The following ZNF423 variants were observed in gnomAD, a reference collection of about 807,000 sequenced individuals.
The protein encoded by ZNF423 is Ebf-associated zinc finger protein.
ZNF423 carries 12 observed loss-of-function variants against 95.8 expected under a neutral mutation model. The observed-to-expected ratio is 0.13, with a 90% CI of 0.08 to 0.20. The LOEUF (loss-of-function observed/expected upper bound fraction) is 0.20. Among genes scored for constraint, ZNF423 ranks in the 10% least tolerant of loss-of-function variants. The probability of loss-of-function intolerance (pLI) is 1.00; values close to 1 mark genes in which losing one functional copy is unlikely to be tolerated. For missense variants in ZNF423, 1,316 were observed against 1,737.1 expected (o/e 0.76, Z 4.31); for synonymous variants, 749 against 711.9 (o/e 1.05, Z -0.83).
At chr16:49,708,366 G>A (rs1268882030) in intron 3 of ZNF423, 1 of 151,932 alleles carries the variant, frequency 6.6e-6, no homozygotes, top group African/African-American at 2.4e-5. Context: ...CAAGATCTCA[G>A]CCCACTGCAA....
chr16:49,652,511 C>T (rs1248176556), intron 3 of ZNF423, among the ~76,000 whole-genome samples: 3 of 152,158 alleles, frequency 2.0e-5, no homozygotes, highest in Admixed American at 6.5e-5. Flanking sequence ...TCAGGAGCTC[C>T]GGAAGGTTCT....
chr16:49,740,457 A>C (rs2033391739), intron 2 of ZNF423, among the ~76,000 whole-genome samples: 2 of 152,186 alleles, frequency 1.3e-5, no homozygotes, highest in South Asian at 4.1e-4. Flanking sequence ...CAAATTCCAA[A>C]AGGCAGCCAT....
chr16:49,509,927 GA>G (rs1434960270), intron 7 of ZNF423, among the ~76,000 whole-genome samples: 2 of 152,162 alleles, frequency 1.3e-5, no homozygotes, highest in Non-Finnish European at 2.9e-5. Context: ...CTCAGAATGG[GA>G]AAAAAATCAA....
At chr16:49,761,127 G>A (rs1458449151) in intron 2 of ZNF423, among the ~76,000 whole-genome samples, 1 of 152,130 alleles carries the variant, frequency 6.6e-6, no homozygotes, top group Non-Finnish European at 1.5e-5. Context: ...ACCTGAGAGA[G>A]GTTCAGCCCA....
intron 5 of ZNF423, among the ~76,000 whole-genome samples, chr16:49,584,920 G>A (rs989948144): frequency 1.3e-5 from 2 of 152,104 alleles, no homozygotes; most frequent in South Asian, 2.1e-4. Context: ...CTGTTATTCC[G>A]GAAGGAAGGA....
chr16:49,809,115 C>T (rs964160925), intron 1 of ZNF423, among the ~76,000 whole-genome samples: 4 of 152,260 alleles, frequency 2.6e-5, no homozygotes, highest in Admixed American at 6.5e-5. Context: ...GTTCATTTTC[C>T]GCGTGTCCTG....
chr16:49,514,414 C>A (rs1178472355), intron 7 of ZNF423, among the ~76,000 whole-genome samples: 1 of 151,952 alleles, frequency 6.6e-6, no homozygotes, highest in Non-Finnish European at 1.5e-5. Context: ...CCAGTTCTGT[C>A]TCAGGCTCCT....
At chr16:49,687,381 T>C (rs1477019) in intron 3 of ZNF423, among the ~76,000 whole-genome samples, 152,116 of 152,302 alleles carry the variant, frequency 1, 75,965 homozygotes, top group Middle Eastern at 1. Flanking sequence ...CACCTACCCC[T>C]GGGCTAGCAC....
intron 3 of ZNF423, among the ~76,000 whole-genome samples, chr16:49,714,038 C>A (rs929696000): frequency 7.2e-5 from 11 of 152,330 alleles, no homozygotes; most frequent in Non-Finnish European, 1.6e-4. Context: ...AGTGAACCCA[C>A]CAGGCACAGT....
At chr16:49,838,266 G>C (rs1469304620) in intron 1 of ZNF423, among the ~76,000 whole-genome samples, 2 of 152,236 alleles carry the variant, frequency 1.3e-5, no homozygotes, top group Non-Finnish European at 2.9e-5. Flanking sequence ...TCTGGGGCTG[G>C]AGTGCCTCCG....
intron 2 of ZNF423, among the ~76,000 whole-genome samples, chr16:49,777,188 A>C (rs1306827894): frequency 6.6e-6 from 1 of 152,176 alleles, no homozygotes; most frequent in Non-Finnish European, 1.5e-5. Context: ...AGTATGGAGG[A>C]ACATGTATGT....
intron 1 of ZNF423, among the ~76,000 whole-genome samples, chr16:49,815,881 A>AAATATAT (rs1185501557): frequency 6.3e-5 from 3 of 47,608 alleles, no homozygotes; most frequent in East Asian, 8.6e-4. Flanking sequence ...AAAAAAAAAA[A>AAATATAT]ATATATATAT....
intron 1 of ZNF423, among the ~76,000 whole-genome samples, chr16:49,849,955 C>G (rs1313517265): frequency 6.6e-6 from 1 of 152,228 alleles, no homozygotes; most frequent in Non-Finnish European, 1.5e-5. Context: ...ATATTACCAT[C>G]ATGCTTTTAT....
intron 3 of ZNF423, among the ~76,000 whole-genome samples, chr16:49,702,328 G>C (rs2032208135): frequency 6.6e-6 from 1 of 152,212 alleles, no homozygotes; most frequent in Non-Finnish European, 1.5e-5. Context: ...GCCAGGGACG[G>C]GAGAAGTGTT....
intron 5 of ZNF423, among the ~76,000 whole-genome samples, chr16:49,582,198 C>T (rs1164675561): frequency 4.6e-5 from 7 of 152,206 alleles, no homozygotes; most frequent in Non-Finnish European, 2.9e-5. Flanking sequence ...CAGGAAGGTG[C>T]ATGAGATCCT....
At chr16:49,527,100 G>A (rs1395162760) in intron 5 of ZNF423, among the ~76,000 whole-genome samples, 1 of 152,166 alleles carries the variant, frequency 6.6e-6, no homozygotes, top group Non-Finnish European at 1.5e-5. Context: ...GCAGGGGCTG[G>A]CAGAGACAGC....
At chr16:49,567,465 A>C (rs1209630828) in intron 5 of ZNF423, among the ~76,000 whole-genome samples, 1 of 152,190 alleles carries the variant, frequency 6.6e-6, no homozygotes, top group East Asian at 1.9e-4. Context: ...GAATCAGGCT[A>C]GACAGACCCC....
chr16:49,500,900 T>TA lies in ZNF423; in HGVS notation c.3850-9597dup, dbSNP rs796553124. Reference sequence around the variant, plus strand: ...TCCAGCCACAGGGTGAGACCTCATTTAAAAAAAAAAAAGGCTATTGGGTGG... The same window carrying TA: ...TCCAGCCACAGGGTGAGACCTCATTTAAAAAAAAAAAAAGGCTATTGGGTGG... On this transcript the variant is annotated intron_variant, in intron 7 of 7. Transcript: ENST00000563137. Among the ~76,000 whole-genome samples, 1,159 of 143,640 alleles carry TA rather than the reference T, an allele frequency of 8.1e-3. 13 individuals are homozygous for TA. The highest frequency in any genetic ancestry group is 0.022 in the African/African-American group (881 of 39,228). 94.2% of individuals were successfully genotyped at this position (143,640 alleles called of 152,430 possible).
At chr16:49,711,471 A>G (rs971834391) in intron 3 of ZNF423, 3 of 152,256 alleles carry the variant, frequency 2.0e-5, no homozygotes, top group Non-Finnish European at 4.4e-5. Context: ...ATATGGTATC[A>G]TTCATTTTTT....
Sources: gnomAD v4.1 joint callset for allele counts (sites outside exome capture counted in the v4.1 genomes callset) on GRCh38, gnomAD v4.1.1 for gene constraint, MANE v1.5 for transcripts, NCBI Gene and HGNC (gene_info 2026-07-23, HGNC 2026-07-21) for gene names.